Variants in MCC observed in about 807,000 individuals in gnomAD.
The protein encoded by MCC is MCC regulator of Wnt signaling pathway.
A neutral mutation model predicts 116.2 loss-of-function variants in MCC; 90 were observed. That is an observed-to-expected ratio of 0.77 (90% CI 0.65 to 0.92). The LOEUF (loss-of-function observed/expected upper bound fraction) is 0.92. Among genes scored for constraint, MCC ranks in the 40% least tolerant of loss-of-function variants. MCC has a pLI of 0.00. For missense variants in MCC, 1,516 were observed against 1,312.2 expected, an observed-to-expected ratio of 1.16 and a Z score of -2.40; for synonymous variants, 578 against 510.5, an observed-to-expected ratio of 1.13 and a Z score of -1.78.
chr5:113,321,783 A>G (rs1561523174), intron 3 of MCC, among the ~76,000 whole-genome samples: 5 of 152,198 alleles, frequency 3.3e-5, no homozygotes, highest in African/African-American at 1.2e-4. Context: ...TAAAATGCAG[A>G]TTTTGATTCA....
chr5:113,068,302 G>T, intron 12 of MCC, 119 bp from the exon 13 acceptor site: 1 of 697,238 alleles, frequency 1.4e-6, no homozygotes, highest in Non-Finnish European at 2.5e-6. Context: ...CTCCACACAG[G>T]CAAGGAAACC....
intron 16 of MCC, chr5:113,044,617 C>G (rs926153494): frequency 3.6e-6 from 1 of 276,036 alleles, no homozygotes; most frequent in Non-Finnish European, 5.5e-6. Context: ...TCTCGTTGCC[C>G]AGGCTGGAGT....
At chr5:113,432,671 C>T (rs1274438809) in intron 1 of MCC, 1 of 152,174 alleles carries the variant, frequency 6.6e-6, no homozygotes, top group Non-Finnish European at 1.5e-5. Context: ...AAAGTTCATG[C>T]TTTTCACTAT....
At chr5:113,104,453 G>A (rs1396168521) in intron 6 of MCC, 98 bp from the exon 7 acceptor site, 4 of 1,064,792 alleles carry the variant, frequency 3.8e-6, no homozygotes, top group African/African-American at 1.6e-5. Flanking sequence ...GATGGCAATG[G>A]AGCCTGACAT....
intron 3 of MCC, among the ~76,000 whole-genome samples, chr5:113,218,364 G>A (rs530507941): frequency 3.9e-5 from 6 of 152,294 alleles, no homozygotes; most frequent in South Asian, 2.1e-4. Flanking sequence ...GGGCTGGGCA[G>A]AGCTGAATGT....
At chr5:113,326,866 G>C (rs1468458656) in intron 3 of MCC, among the ~76,000 whole-genome samples, 5 of 152,014 alleles carry the variant, frequency 3.3e-5, no homozygotes, top group African/African-American at 9.7e-5. Context: ...CTGTCAATAA[G>C]GTCTTTTTCT....
At chr5:113,171,234 G>A (rs891567232) in intron 3 of MCC, among the ~76,000 whole-genome samples, 9 of 151,922 alleles carry the variant, frequency 5.9e-5, no homozygotes, top group Admixed American at 5.2e-4. Flanking sequence ...ATAGAAAATA[G>A]AGCTGTTTCA....
chr5:113,157,224 A>T (rs1760220889), intron 3 of MCC, among the ~76,000 whole-genome samples: 1 of 152,092 alleles, frequency 6.6e-6, no homozygotes, highest in Admixed American at 6.6e-5. Flanking sequence ...CCCAGTGCAC[A>T]CACCACTCTC....
intron 3 of MCC, among the ~76,000 whole-genome samples, chr5:113,272,869 T>C (rs1262654625): frequency 6.6e-6 from 1 of 152,234 alleles, no homozygotes; most frequent in African/African-American, 2.4e-5. Context: ...AAATTTTCAA[T>C]GGCAAGCAAA....
rs7728495 is a variant in MCC at position 113,040,016 on chromosome 5, A to C, written c.2756+3514T>G. Among the ~76,000 whole-genome samples, 3 of 151,144 alleles carry C rather than the reference A, an allele frequency of 2.0e-5. 1 individual carries two copies. The highest frequency in any genetic ancestry group is 7.3e-5 in the African/African-American group (3 of 41,038). ...AGCACACAGGCTGGATGGACAAGAGAGAAAACAAAATACCCTGTTAAGAAA... is the reference window on the plus strand; with the variant it reads ...AGCACACAGGCTGGATGGACAAGAGCGAAAACAAAATACCCTGTTAAGAAA... On this transcript the variant is annotated intron_variant, in intron 17 of 18. Coordinates refer to ENST00000408903, the MANE Select transcript of MCC (RefSeq NM_001085377.2).
At chr5:113,398,739 C>T (rs923157974) in intron 1 of MCC, among the ~76,000 whole-genome samples, 5 of 152,214 alleles carry the variant, frequency 3.3e-5, no homozygotes, top group African/African-American at 1.2e-4. Flanking sequence ...TGTTCACTAT[C>T]TGGGTCATGG....
chr5:113,139,102 C>A (rs959949314), intron 5 of MCC, among the ~76,000 whole-genome samples: 5 of 152,080 alleles, frequency 3.3e-5, no homozygotes, highest in African/African-American at 1.2e-4. Context: ...GCAGGTCAAA[C>A]TTTTTTGATT....
chr5:113,466,637 T>C (rs1026168741), intron 1 of MCC, among the ~76,000 whole-genome samples: 3 of 152,192 alleles, frequency 2.0e-5, no homozygotes, highest in African/African-American at 7.2e-5. Flanking sequence ...AGTGCTGCTA[T>C]AAACATACGT....
At chr5:113,083,134 G>A in intron 10 of MCC, 126 bp from the exon 11 acceptor site, 1 of 822,448 alleles carries the variant, frequency 1.2e-6, no homozygotes, top group South Asian at 1.9e-5. Flanking sequence ...TACCCTGAAG[G>A]TTCTCAGTTT....
rs569172111 is a variant in MCC, at chr5:113,143,445, T to A, written c.742-85A>T. The A allele has an allele frequency of 4.2e-6, 6 of 1,440,960 alleles. No individual in the cohort carries two copies. The South Asian group carries it at 7.3e-5, about 18-fold the overall frequency. 89.3% of individuals were successfully genotyped at this position (1,440,960 alleles called of 1,614,324 possible). A position where few individuals can be genotyped will look rare whatever the true frequency, so the allele number is the denominator to read the frequency against. ...TTCCAAGCTTTGTGGCCTTAAACCA[T>A]TACAACTGCCAACACTGAGTATGCC... On this transcript the variant is annotated intron_variant, in intron 4 of 18. Coordinates refer to ENST00000408903, the MANE Select transcript of MCC (RefSeq NM_001085377.2).
In MCC at chr5:113,335,727, T is replaced by C. The variant is rs560380772; in HGVS notation, c.627+4792A>G. 2.6e-5 allele frequency among the ~76,000 whole-genome samples: 4 copies of C among 151,842 alleles called. No homozygotes were observed. The South Asian group carries it at 8.3e-4, about 31-fold the overall frequency. Reference sequence around the variant, plus strand: ...ATAGGGCTTAGATTACACTGAGTTTTGCTGCTGCTTTGTGGTGACTTGGTA... The same window carrying C: ...ATAGGGCTTAGATTACACTGAGTTTCGCTGCTGCTTTGTGGTGACTTGGTA... On this transcript the variant is annotated intron_variant, in intron 3 of 18. Coordinates refer to ENST00000408903, the MANE Select transcript of MCC (RefSeq NM_001085377.2).
intron 3 of MCC, among the ~76,000 whole-genome samples, chr5:113,288,388 C>A (rs1766344514): frequency 1.3e-5 from 2 of 152,204 alleles, no homozygotes; most frequent in Non-Finnish European, 2.9e-5. Flanking sequence ...TCTCTGAATA[C>A]ACAGGTAGTG....
At chr5:113,082,337 C>A (rs1561791567) in intron 11 of MCC, among the ~76,000 whole-genome samples, 1 of 152,228 alleles carries the variant, frequency 6.6e-6, no homozygotes, top group African/African-American at 2.4e-5. Flanking sequence ...ATCAGCATGC[C>A]TGGTCGATGC....
At chr5:113,420,083 T>C (rs564040902) in intron 1 of MCC, among the ~76,000 whole-genome samples, 8 of 137,904 alleles carry the variant, frequency 5.8e-5, no homozygotes, top group African/African-American at 2.5e-4. Context: ...ATATGTTATA[T>C]GAATTATATC....
Sources: allele counts gnomAD v4.1 joint callset (sites outside exome capture counted in the v4.1 genomes callset), GRCh38; gene constraint gnomAD v4.1.1; transcripts MANE v1.5; gene names NCBI Gene and HGNC (gene_info 2026-07-23, HGNC 2026-07-21).